The following ZFHX3 variants were observed in gnomAD, a reference collection of about 807,000 sequenced individuals.
ZFHX3 encodes zinc finger homeobox protein 3.
In ZFHX3, 42 loss-of-function variants were observed where a neutral mutation model predicts 279.1. The observed-to-expected ratio is 0.15, with a 90% CI of 0.12 to 0.19. The LOEUF (loss-of-function observed/expected upper bound fraction) is 0.19. Among genes scored for constraint, ZFHX3 ranks in the 10% least tolerant of loss-of-function variants. The pLI is 1.00. For synonymous variants in ZFHX3, 2,293 were observed against 1,957.8 expected (o/e 1.17, Z -4.52); for missense variants, 4,981 against 4,754.0 (o/e 1.05, Z -1.40).
chr16:73,740,013 T>C (rs1318588269), intron 1 of ZFHX3, among the ~76,000 whole-genome samples: 1 of 152,168 alleles, frequency 6.6e-6, no homozygotes, highest in Non-Finnish European at 1.5e-5. Context: ...CATCATCTTC[T>C]GATTGTCATT....
At chr16:73,068,955 A>C (rs558233729) in intron 8 of ZFHX3, among the ~76,000 whole-genome samples, 67 of 152,344 alleles carry the variant, frequency 4.4e-4, no homozygotes, top group Admixed American at 1.0e-3. Context: ...CTCCATGCGC[A>C]CTGCGGGTAC....
intron 8 of ZFHX3, among the ~76,000 whole-genome samples, chr16:73,086,043 A>C: frequency 6.6e-6 from 1 of 152,010 alleles, no homozygotes. Context: ...CTAGACAGAC[A>C]GACATTTCTC....
chr16:73,438,209 G>C (rs889547154), intron 3 of ZFHX3, among the ~76,000 whole-genome samples: 4 of 152,184 alleles, frequency 2.6e-5, no homozygotes, highest in African/African-American at 9.7e-5. Flanking sequence ...CGTAGCTCCA[G>C]AGAATTTCAG....
intron 3 of ZFHX3, among the ~76,000 whole-genome samples, chr16:73,394,239 GTTT>G (rs67840840): frequency 7.3e-6 from 1 of 136,274 alleles, no homozygotes; most frequent in African/African-American, 2.7e-5. Context: ...TTTGTTTTCT[GTTT>G]TTTTTTTTTT....
chr16:73,794,637 T>G (rs1310528202), intron 1 of ZFHX3, among the ~76,000 whole-genome samples: 2 of 152,162 alleles, frequency 1.3e-5, no homozygotes, highest in African/African-American at 4.8e-5. Flanking sequence ...GAGTAGACAG[T>G]GCAAACTCAT....
chr16:73,061,728 A>G (rs1965686895), upstream of ZFHX3: 1 of 152,126 alleles, frequency 6.6e-6, no homozygotes, highest in Non-Finnish European at 1.5e-5. Flanking sequence ...ATTTTTTTAA[A>G]GATGTGGTAG....
intron 4 of ZFHX3, among the ~76,000 whole-genome samples, chr16:72,843,866 C>T (rs1212269799): frequency 3.3e-5 from 5 of 152,148 alleles, no homozygotes; most frequent in Admixed American, 1.3e-4. Flanking sequence ...GCAAACCCCA[C>T]GATACACAAA....
At chr16:72,925,450 G>C (rs1240034570) in intron 3 of ZFHX3, among the ~76,000 whole-genome samples, 2 of 152,238 alleles carry the variant, frequency 1.3e-5, no homozygotes, top group Non-Finnish European at 1.5e-5. Flanking sequence ...GAAATTTCAG[G>C]AGGTACAGGC....
chr16:72,909,349 A>G (rs139660807), intron 3 of ZFHX3, among the ~76,000 whole-genome samples: 2 of 152,332 alleles, frequency 1.3e-5, no homozygotes, highest in East Asian at 3.9e-4. Flanking sequence ...AAGAATAGGC[A>G]TGACTGTGTT....
chr16:72,986,274 C>G (rs576849264), intron 1 of ZFHX3, among the ~76,000 whole-genome samples: 1 of 152,166 alleles, frequency 6.6e-6, no homozygotes, highest in Admixed American at 6.5e-5. Flanking sequence ...CTTCAGATTT[C>G]CTCCTTAGGA....
chr16:73,811,016 G>C (rs1960411754), intron 1 of ZFHX3, among the ~76,000 whole-genome samples: 1 of 152,044 alleles, frequency 6.6e-6, no homozygotes, highest in Admixed American at 6.6e-5. Flanking sequence ...GGAGGCCTGA[G>C]ATTAAAAACA....
At chr16:73,294,420 C>G (rs2014852471) in intron 4 of ZFHX3, 1 of 152,204 alleles carries the variant, frequency 6.6e-6, no homozygotes, top group Non-Finnish European at 1.5e-5. Flanking sequence ...CAAACAACAG[C>G]AACGATTCTT....
intron 2 of ZFHX3, among the ~76,000 whole-genome samples, chr16:72,955,448 T>C (rs1349675449): frequency 6.6e-6 from 1 of 152,196 alleles, no homozygotes; most frequent in Non-Finnish European, 1.5e-5. Flanking sequence ...TACTTCTCAA[T>C]ACAAGCCTTA....
chr16:73,518,754 G>A (rs373457866), intron 2 of ZFHX3, among the ~76,000 whole-genome samples: 48 of 152,208 alleles, frequency 3.2e-4, no homozygotes, highest in Admixed American at 8.5e-4. Flanking sequence ...CTTTTTCCCC[G>A]TTCTGCCGTA....
chr16:73,162,590 T>A (rs576443024), intron 5 of ZFHX3, among the ~76,000 whole-genome samples: 11 of 152,116 alleles, frequency 7.2e-5, no homozygotes, highest in Non-Finnish European at 1.3e-4. Flanking sequence ...ATTATAGAAA[T>A]AAAGCACACA....
At chr16:73,085,985 C>CAA (rs57128744) in intron 8 of ZFHX3, among the ~76,000 whole-genome samples, 50 of 54,140 alleles carry the variant, frequency 9.2e-4, no homozygotes, top group East Asian at 4.7e-3. Context: ...AACTCAATTG[C>CAA]AAAAAAAAAA....
chr16:72,925,494 C>T (rs936304135), intron 3 of ZFHX3, among the ~76,000 whole-genome samples: 1 of 152,272 alleles, frequency 6.6e-6, no homozygotes, highest in Non-Finnish European at 1.5e-5. Context: ...TCCCCAACCA[C>T]CGCAGCAATG....
intron 1 of ZFHX3, among the ~76,000 whole-genome samples, chr16:73,818,432 G>A (rs1960640104): frequency 6.6e-6 from 1 of 152,128 alleles, no homozygotes; most frequent in Non-Finnish European, 1.5e-5. Context: ...GCAATTTGAT[G>A]TACAAATGGC....
chr16:72,927,714 G>A (rs577765931), intron 3 of ZFHX3, among the ~76,000 whole-genome samples: 84 of 152,060 alleles, frequency 5.5e-4, no homozygotes, highest in Middle Eastern at 3.4e-3. Context: ...GCCTCTCTGC[G>A]CCAGGCACAC....
Sources: allele counts gnomAD v4.1 joint callset (sites outside exome capture counted in the v4.1 genomes callset), GRCh38; gene constraint gnomAD v4.1.1; transcripts MANE v1.5; gene names NCBI Gene and HGNC (gene_info 2026-07-23, HGNC 2026-07-21).